CCM2: variants seen among roughly 807,000 people sequenced by gnomAD.
CCM2 encodes the protein cerebral cavernous malformations 2 protein.
Under a neutral mutation model 44.9 loss-of-function variants are expected in CCM2, and 25 were observed. The observed-to-expected ratio is 0.56, with a 90% CI of 0.41 to 0.78. CCM2 has a LOEUF of 0.78. CCM2 is among the 30% of genes least tolerant of loss of function. The pLI, the probability that CCM2 is intolerant of heterozygous loss-of-function variation, is 0.00. For synonymous variants in CCM2, 219 were observed against 241.1 expected, an observed-to-expected ratio of 0.91 and a Z score of 0.85; for missense variants, 481 against 580.6, an observed-to-expected ratio of 0.83 and a Z score of 1.76.
At chr7:45,071,500 CCTTGGAGTTTTG>C in intron 6 of CCM2, 1 of 283,040 alleles carries the variant, frequency 3.5e-6, no homozygotes, top group Non-Finnish European at 7.0e-6. Flanking sequence ...CTTATTTCTG[CCTTGGAGTTTTG>C]CTTGCTGTGT....
Position 45,068,335 on chromosome 7 carries a change from AG to A in CCM2, c.473-106del. ...GAGTCGTTCTGTGGGTGCCTGAGCC[AG>A]GTAAAGGTCCTCTCAGCCTGTTTCC... On this transcript the variant is annotated intron_variant, in intron 4 of 9. Coordinates refer to ENST00000258781, the MANE Select transcript of CCM2 (RefSeq NM_031443.4). 3 of 1,437,784 alleles carry A rather than the reference AG, an allele frequency of 2.1e-6. 1 individual carries two copies. Among genetic ancestry groups the A allele is most frequent in the Non-Finnish European group, 2.9e-6 (3 of 1,028,262 alleles). The allele number at this position is 1,437,784 out of a possible 1,614,324, so 89.1% of individuals were successfully genotyped here. A position where few individuals can be genotyped will look rare whatever the true frequency, so the allele number is the denominator to read the frequency against.
chr7:45,004,931 G>C (rs1795785714), intron 1 of CCM2, among the ~76,000 whole-genome samples: 2 of 151,554 alleles, frequency 1.3e-5, no homozygotes, highest in Admixed American at 1.3e-4. Context: ...GGGAGATGGA[G>C]GTTGCAGTGA....
chr7:45,045,157 T>C (rs529239187), intron 2 of CCM2, among the ~76,000 whole-genome samples: 3 of 152,244 alleles, frequency 2.0e-5, no homozygotes, highest in Admixed American at 6.5e-5. Context: ...ACTATCGTTA[T>C]AGCTGCTAGG....
rs1784273078 is a variant in CCM2 at position 45,076,445 on chromosome 7, A to T, written c.*388A>T. ...TAAAAAGAAGTTTACTGCAATGTGA[A>T]TAATTTAATCTCTGGTTGCCAAGCA... On this transcript the variant is annotated 3_prime_UTR_variant, in exon 10 of 10. Transcript: ENST00000258781. 1 of 372,790 alleles carries T rather than the reference A, an allele frequency of 2.7e-6. No individual in the cohort carries two copies. The highest frequency in any genetic ancestry group is 5.2e-6 in the Non-Finnish European group (1 of 190,748). The allele number at this position is 372,790 out of a possible 1,614,324, so 23.1% of individuals were successfully genotyped here.
intron 6 of CCM2, 195 bp downstream of exon 6, chr7:45,070,156 A>G (rs1036120078): frequency 1.9e-5 from 13 of 666,728 alleles, no homozygotes; most frequent in Non-Finnish European, 3.3e-5. Context: ...TGTCCTTGAG[A>G]GAGTTGCACC....
chr7:45,064,030 T>G (rs2128747382), intron 3 of CCM2, 29 bp downstream of exon 3: 6,848 of 1,175,886 alleles, frequency 5.8e-3, no homozygotes, highest in Non-Finnish European at 8.0e-3. Flanking sequence ...CCCTGTGCAC[T>G]AGCCCTCAGC....
rs1205328161 is a variant in CCM2, at chr7:45,072,317, G to A, written c.746-409G>A. 5 of 348,218 alleles carry A rather than the reference G, an allele frequency of 1.4e-5. No homozygotes were observed. In the East Asian group the frequency reaches 3.7e-4, roughly 26 times the overall value. The allele number at this position is 348,218 out of a possible 1,614,324, so 21.6% of individuals were successfully genotyped here. A position where few individuals can be genotyped will look rare whatever the true frequency, so the allele number is the denominator to read the frequency against. On this transcript the variant is annotated intron_variant, in intron 6 of 9. Coordinates refer to ENST00000258781, the MANE Select transcript of CCM2 (RefSeq NM_031443.4). The stretch of plus-strand genomic sequence containing the variant: ...GTTTCTGCTGTGTGACCTGGGCCAA[G>A]TTGTGTAACTCTCTGACTTACTTCC...
At chr7:45,040,594 C>T (rs978402027) in intron 2 of CCM2, among the ~76,000 whole-genome samples, 2 of 152,118 alleles carry the variant, frequency 1.3e-5, no homozygotes, top group Non-Finnish European at 2.9e-5. Flanking sequence ...CATGACTCCC[C>T]CCATTGAAAG....
rs886917170 is a variant in CCM2, at chr7:45,073,388, T to C, written c.804-72T>C. The stretch of plus-strand genomic sequence containing the variant: ...AGGGACCCACACACACGGCATGGAC[T>C]AGGTTTCCTGAAACGTGTGTGGGAT... On this transcript the variant is annotated intron_variant, in intron 7 of 9. Coordinates refer to ENST00000258781, the MANE Select transcript of CCM2 (RefSeq NM_031443.4). The C allele has an allele frequency of 9.1e-5, 87 of 954,438 alleles. No homozygotes were observed. The African/African-American group carries it at 1.3e-3, about 14-fold the overall frequency. The allele number at this position is 954,438 out of a possible 1,614,324, so 59.1% of individuals were successfully genotyped here. A position where few individuals can be genotyped will look rare whatever the true frequency, so the allele number is the denominator to read the frequency against.
chr7:45,057,158 T>TTTTC (rs1033052313), intron 2 of CCM2, among the ~76,000 whole-genome samples: 4 of 151,858 alleles, frequency 2.6e-5, no homozygotes, highest in Admixed American at 6.6e-5. Context: ...GGCTCTCTTT[T>TTTTC]TTTCTTTCTT....
chr7:45,022,752 A>G (rs1007224695), intron 1 of CCM2, among the ~76,000 whole-genome samples: 1 of 149,956 alleles, frequency 6.7e-6, no homozygotes. Context: ...CTTTTATTTT[A>G]TTTTTTGAGA....
At chr7:45,027,568 T>G in intron 1 of CCM2, 1 of 1,547,988 alleles carries the variant, frequency 6.5e-7, no homozygotes, top group Non-Finnish European at 8.7e-7. Context: ...TTTTAAACTT[T>G]TAAAAAATTG....
At chr7:45,053,589 C>T (rs1462427893) in intron 2 of CCM2, among the ~76,000 whole-genome samples, 1 of 152,206 alleles carries the variant, frequency 6.6e-6, no homozygotes, top group Non-Finnish European at 1.5e-5. Flanking sequence ...CTGACACCTA[C>T]ACCTGCTCTG....
chr7:45,062,216 A>G (rs77282619), intron 2 of CCM2, among the ~76,000 whole-genome samples: 107 of 152,282 alleles, frequency 7.0e-4, no homozygotes, highest in Non-Finnish European at 1.5e-3. Flanking sequence ...GGAAAGTCCC[A>G]TTTCATTCTT....
chr7:45,029,218 C>T (rs945119659), intron 1 of CCM2, among the ~76,000 whole-genome samples: 7 of 152,194 alleles, frequency 4.6e-5, no homozygotes, highest in Non-Finnish European at 1.0e-4. Flanking sequence ...ATAGTGAATA[C>T]TCATGAGATG....
intron 1 of CCM2, among the ~76,000 whole-genome samples, chr7:45,031,680 C>T (rs1212445916): frequency 6.6e-6 from 1 of 152,124 alleles, no homozygotes; most frequent in East Asian, 1.9e-4. Flanking sequence ...ACTTCAGCCT[C>T]CCAAGTAGCT....
intron 2 of CCM2, among the ~76,000 whole-genome samples, chr7:45,061,456 CTTTTTTTTT>C (rs57140747): frequency 8.2e-6 from 1 of 122,284 alleles, no homozygotes; most frequent in East Asian, 2.2e-4. Flanking sequence ...TTCTTTCTTT[CTTTTTTTTT>C]TTTTTTTTTT....
intron 2 of CCM2, among the ~76,000 whole-genome samples, chr7:45,058,085 A>G (rs1798348441): frequency 6.6e-6 from 1 of 152,352 alleles, no homozygotes; most frequent in East Asian, 1.9e-4. Context: ...CGTTGCTTGG[A>G]TTCGGAAATC....
chr7:45,056,643 A>G (rs1798277371), intron 2 of CCM2, among the ~76,000 whole-genome samples: 1 of 151,584 alleles, frequency 6.6e-6, no homozygotes, highest in Non-Finnish European at 1.5e-5. Context: ...AGAAATGTCA[A>G]GTCATTTGCC....
Sources: gnomAD v4.1 joint callset for allele counts (sites outside exome capture counted in the v4.1 genomes callset) on GRCh38, gnomAD v4.1.1 for gene constraint, MANE v1.5 for transcripts, NCBI Gene and HGNC (gene_info 2026-07-23, HGNC 2026-07-21) for gene names.